Variants in ZNF644 observed in about 807,000 individuals in gnomAD.
ZNF644 encodes zinc finger protein 644.
ZNF644 carries 20 observed loss-of-function variants against 108.0 expected under a neutral mutation model. The ratio of observed to expected loss-of-function variants is 0.19; its 90% CI spans 0.13 to 0.27. The LOEUF is 0.27. Among genes scored for constraint, ZNF644 ranks in the 10% least tolerant of loss-of-function variants. The probability of loss-of-function intolerance (pLI) is 1.00; values close to 1 mark genes in which losing one functional copy is unlikely to be tolerated. For missense variants in ZNF644, 1,338 were observed against 1,548.9 expected, an observed-to-expected ratio of 0.86 and a Z score of 2.29; for synonymous variants, 542 against 539.1, an observed-to-expected ratio of 1.01 and a Z score of -0.08.
chr1:90,988,367 A>G (rs1657320669), intron 1 of ZNF644, among the ~76,000 whole-genome samples: 1 of 152,172 alleles, frequency 6.6e-6, no homozygotes, highest in African/African-American at 2.4e-5. Context: ...TGAAAGCTAT[A>G]ACACACTGCT....
chr1:90,936,262 T>C (rs1651305152), intron 4 of ZNF644, among the ~76,000 whole-genome samples: 1 of 152,162 alleles, frequency 6.6e-6, no homozygotes. Context: ...TTTCAACTGG[T>C]TTCTTCAGCA....
intron 4 of ZNF644, 128 bp from the exon 5 acceptor site, chr1:90,918,282 T>G: frequency 1.3e-6 from 1 of 747,270 alleles, no homozygotes. Flanking sequence ...CATTTCCCTA[T>G]TCCCTGAAGC....
chr1:90,982,383 C>G lies in ZNF644; in HGVS notation c.-17-13G>C, dbSNP rs1431710072. On this transcript the variant is annotated splice_polypyrimidine_tract_variant and intron_variant, in intron 1 of 5. Transcript: ENST00000337393. Reference sequence around the variant, plus strand: ...AATTAAATCAAACCTGAAAGAAATACACACAATGACCAAGGTTTAATTTTT... The same window carrying G: ...AATTAAATCAAACCTGAAAGAAATAGACACAATGACCAAGGTTTAATTTTT... The G allele has an allele frequency of 6.3e-7, 1 of 1,599,648 alleles. No individual in the cohort carries two copies. Among genetic ancestry groups the G allele is most frequent in the Admixed American group, 1.7e-5 (1 of 59,960 alleles).
Position 90,941,236 on chromosome 1 carries a change from C to T in ZNF644, c.118G>A (p.Glu40Lys). The T allele has an allele frequency of 6.2e-7, 1 of 1,603,556 alleles. No individual in the cohort carries two copies. The change falls in exon 3 of 6, where the codon GAA (glutamate) becomes AAA (lysine). Residue 40 changes from glutamate (E) to lysine (K), a missense_variant. Physicochemically the swap from Glu to Lys is moderately conservative, Grantham distance 56. Around this residue, in one of 6 missense-constraint regions of ZNF644, gnomAD observed 464 missense variants for 457.9 expected, o/e 1.01. Transcript: ENST00000337393. ...KINTDITGAK[E>K]ELLDDNNFIS... is the part of the protein sequence containing the mutation. ...AAATTGTTGTCATCTAGGAGTTCTT[C>T]TTTAGCACCAGTAATATCGGTGTTT...
chr1:90,945,902 C>T (rs1002809489), intron 2 of ZNF644, among the ~76,000 whole-genome samples: 2 of 151,922 alleles, frequency 1.3e-5, no homozygotes, highest in Admixed American at 6.5e-5. Flanking sequence ...ACAATTTGCC[C>T]TCATTGTATA....
At chr1:90,948,733 T>C (rs967155967) in intron 2 of ZNF644, among the ~76,000 whole-genome samples, 2 of 152,216 alleles carry the variant, frequency 1.3e-5, no homozygotes, top group Admixed American at 6.5e-5. Context: ...AAGCTCATGT[T>C]GTTCAAGGGT....
chr1:90,968,811 T>C (rs1007628782), intron 2 of ZNF644, among the ~76,000 whole-genome samples: 10 of 152,236 alleles, frequency 6.6e-5, no homozygotes, highest in African/African-American at 2.2e-4. Context: ...GATATATTGA[T>C]AAATAGATAC....
chr1:90,936,859 A>G (rs1651371910), intron 4 of ZNF644, among the ~76,000 whole-genome samples: 1 of 152,230 alleles, frequency 6.6e-6, no homozygotes, highest in Non-Finnish European at 1.5e-5. Context: ...CTGTTCCATT[A>G]GAGCACTATC....
chr1:90,946,657 AT>A (rs1652544168), intron 2 of ZNF644, among the ~76,000 whole-genome samples: 1 of 152,176 alleles, frequency 6.6e-6, no homozygotes, highest in Non-Finnish European at 1.5e-5. Context: ...AAAATATGAC[AT>A]TAAATGACCA....
chr1:90,930,166 A>G (rs1486155853), intron 4 of ZNF644, among the ~76,000 whole-genome samples: 2 of 152,122 alleles, frequency 1.3e-5, no homozygotes, highest in Non-Finnish European at 2.9e-5. Context: ...TGTGCCTGTA[A>G]TCCCAGCTAC....
chr1:90,957,816 AAAG>A (rs559378774), intron 2 of ZNF644, among the ~76,000 whole-genome samples: 70 of 152,186 alleles, frequency 4.6e-4, no homozygotes, highest in Non-Finnish European at 7.6e-4. Context: ...CCAAATTGGA[AAAG>A]AAGAAGTCAA....
chr1:90,931,597 C>G (rs898352807), intron 4 of ZNF644, among the ~76,000 whole-genome samples: 3 of 152,102 alleles, frequency 2.0e-5, no homozygotes, highest in Non-Finnish European at 4.4e-5. Context: ...ACCTACCCAA[C>G]AGAAGATAAA....
intron 2 of ZNF644, among the ~76,000 whole-genome samples, chr1:90,952,197 T>A (rs969307819): frequency 6.6e-6 from 1 of 152,240 alleles, no homozygotes; most frequent in South Asian, 2.1e-4. Flanking sequence ...TTGGTTTAGC[T>A]GTAAAGACTG....
At chr1:90,973,724 C>T (rs994370913) in intron 2 of ZNF644, among the ~76,000 whole-genome samples, 1 of 151,856 alleles carries the variant, frequency 6.6e-6, no homozygotes, top group Non-Finnish European at 1.5e-5. Context: ...TAGAAGAGCC[C>T]GTCATCTATA....
chr1:90,919,605 G>C (rs1175454076), intron 4 of ZNF644, among the ~76,000 whole-genome samples: 1 of 152,032 alleles, frequency 6.6e-6, no homozygotes, highest in African/African-American at 2.4e-5. Context: ...ATCCTTAGAA[G>C]AAGAGTCTAA....
chr1:91,014,400 G>C (rs1660249579), intron 1 of ZNF644, among the ~76,000 whole-genome samples: 1 of 151,852 alleles, frequency 6.6e-6, no homozygotes, highest in South Asian at 2.1e-4. Context: ...ATCCCTTTAA[G>C]ATTTTTAACA....
intron 2 of ZNF644, among the ~76,000 whole-genome samples, chr1:90,960,124 A>G (rs1654180542): frequency 6.6e-6 from 1 of 152,170 alleles, no homozygotes; most frequent in Admixed American, 6.6e-5. Context: ...CCCAAAGCAC[A>G]AAAGTAGTGA....
At chr1:91,011,459 C>T (rs753597997) in intron 1 of ZNF644, among the ~76,000 whole-genome samples, 1 of 152,038 alleles carries the variant, frequency 6.6e-6, no homozygotes, top group Non-Finnish European at 1.5e-5. Context: ...CATTATAATA[C>T]CCATTTCAGA....
intron 4 of ZNF644, among the ~76,000 whole-genome samples, chr1:90,928,429 T>C (rs1163413257): frequency 1.3e-5 from 2 of 151,386 alleles, no homozygotes; most frequent in Non-Finnish European, 2.9e-5. Flanking sequence ...GCAATCCTCC[T>C]GCCTCAGCCT....
Sources: gnomAD v4.1 joint callset for allele counts (sites outside exome capture counted in the v4.1 genomes callset) on GRCh38, gnomAD v4.1.1 for gene constraint, gnomAD v4.1.1 regional missense constraint, MANE v1.5 for transcripts, NCBI Gene and HGNC (gene_info 2026-07-23, HGNC 2026-07-21) for gene names.